CACNA2D3: variants seen among roughly 807,000 people sequenced by gnomAD.
The protein encoded by CACNA2D3 is voltage-dependent calcium channel subunit alpha-2/delta-3.
Under a neutral mutation model 160.6 loss-of-function variants are expected in CACNA2D3, and 60 were observed. That is an observed-to-expected ratio of 0.37 (90% CI 0.30 to 0.46). The LOEUF is 0.46. Ranked by LOEUF, CACNA2D3 falls within the 20% of genes least tolerant of loss-of-function variation. The pLI is 1.00. For synonymous variants in CACNA2D3, 558 were observed against 492.9 expected, an observed-to-expected ratio of 1.13 and a Z score of -1.75; for missense variants, 1,205 against 1,365.0, an observed-to-expected ratio of 0.88 and a Z score of 1.85.
intron 2 of CACNA2D3, among the ~76,000 whole-genome samples, chr3:54,135,600 G>A (rs1015848244): frequency 6.6e-6 from 1 of 152,216 alleles, no homozygotes; most frequent in Non-Finnish European, 1.5e-5. Context: ...ATATTGTGTT[G>A]TGAGGCTTTT....
chr3:55,006,759 G>T (rs1703103374), intron 32 of CACNA2D3, among the ~76,000 whole-genome samples: 1 of 152,196 alleles, frequency 6.6e-6, no homozygotes, highest in African/African-American at 2.4e-5. Context: ...AAAGTTTTGA[G>T]AATGATTGGG....
intron 4 of CACNA2D3, among the ~76,000 whole-genome samples, chr3:54,488,759 C>T (rs912158513): frequency 6.6e-6 from 1 of 152,164 alleles, no homozygotes; most frequent in Non-Finnish European, 1.5e-5. Flanking sequence ...AACAGCTATG[C>T]TTCCTCCAAA....
chr3:54,999,971 T>A (rs934055520), intron 31 of CACNA2D3, among the ~76,000 whole-genome samples: 6 of 152,288 alleles, frequency 3.9e-5, no homozygotes, highest in African/African-American at 1.4e-4. Flanking sequence ...TGTCAAAGTT[T>A]AAAGTTTCAA....
intron 11 of CACNA2D3, among the ~76,000 whole-genome samples, chr3:54,752,231 T>G (rs1701871035): frequency 6.6e-6 from 1 of 152,188 alleles, no homozygotes; most frequent in African/African-American, 2.4e-5. Flanking sequence ...GAGCACACTC[T>G]GCATTTCCTG....
In CACNA2D3 at chr3:54,832,824, A is replaced by T. The variant is rs577069289; in HGVS notation, c.1399-4335A>T. ...GTTGTCTTCCCAGCACATGGCATGGAACCTGGAACATAGCTGATGCTCGAG... is the reference window on the plus strand; with the variant it reads ...GTTGTCTTCCCAGCACATGGCATGGTACCTGGAACATAGCTGATGCTCGAG... On this transcript the variant is annotated intron_variant, in intron 14 of 37. Transcript: ENST00000474759. Among the ~76,000 whole-genome samples, 10 of 152,304 alleles carry T rather than the reference A, an allele frequency of 6.6e-5. No individual in the cohort carries two copies. In the South Asian group the frequency reaches 1.9e-3, roughly 28 times the overall value.
rs545507422 is a variant in CACNA2D3, at chr3:54,529,834, T to G, written c.544+26180T>G. 1.1e-4 allele frequency among the ~76,000 whole-genome samples: 17 copies of G among 152,338 alleles called. No homozygotes were observed. In the South Asian group the frequency reaches 3.5e-3, roughly 32 times the overall value. The stretch of plus-strand genomic sequence containing the variant: ...GATATAATTTTTTTATTGCTTTACT[T>G]TGGATATTTTAGATTTCACAAGCGG... On this transcript the variant is annotated intron_variant, in intron 5 of 37. Coordinates refer to ENST00000474759, the MANE Select transcript of CACNA2D3 (RefSeq NM_018398.3).
chr3:54,137,062 T>G (rs1455229399), intron 2 of CACNA2D3, among the ~76,000 whole-genome samples: 1 of 152,202 alleles, frequency 6.6e-6, no homozygotes. Context: ...CCTCTGTGAT[T>G]TTTTTACAAA....
At chr3:54,135,156 CT>C (rs1270987005) in intron 2 of CACNA2D3, among the ~76,000 whole-genome samples, 3 of 152,174 alleles carry the variant, frequency 2.0e-5, no homozygotes, top group Non-Finnish European at 4.4e-5. Flanking sequence ...TTGCTATGAT[CT>C]CACCTTCTCG....
chr3:54,144,482 A>C (rs1180182731), intron 2 of CACNA2D3, among the ~76,000 whole-genome samples: 1 of 152,204 alleles, frequency 6.6e-6, no homozygotes, highest in Non-Finnish European at 1.5e-5. Context: ...GCATGTGCAT[A>C]TGTGAAATTC....
intron 27 of CACNA2D3, among the ~76,000 whole-genome samples, chr3:54,917,952 A>G (rs1450930049): frequency 6.6e-6 from 1 of 152,238 alleles, no homozygotes; most frequent in Non-Finnish European, 1.5e-5. Context: ...TAACATATAC[A>G]ACATCTAAAA....
rs1575387937 is a variant in CACNA2D3, at chr3:54,933,338, T to C, written c.2449+33470T>C. ...CAGAATAGCTCATTTATTTCTCTTA[T>C]CACAGTCTAGTTCAGGTTGACAGGG... On this transcript the variant is annotated intron_variant, in intron 27 of 37. Coordinates refer to ENST00000474759, the MANE Select transcript of CACNA2D3 (RefSeq NM_018398.3). 3.3e-5 allele frequency among the ~76,000 whole-genome samples: 5 copies of C among 152,234 alleles called. No individual in the cohort carries two copies. In the South Asian group the frequency reaches 1.0e-3, roughly 31 times the overall value.
chr3:54,615,842 A>G (rs1458182817), intron 9 of CACNA2D3, among the ~76,000 whole-genome samples: 1 of 152,202 alleles, frequency 6.6e-6, no homozygotes, highest in Non-Finnish European at 1.5e-5. Context: ...CGGGTGAGTG[A>G]GCAAGCATTA....
chr3:54,735,416 C>T (rs1701476725), intron 11 of CACNA2D3, among the ~76,000 whole-genome samples: 1 of 152,152 alleles, frequency 6.6e-6, no homozygotes, highest in Non-Finnish European at 1.5e-5. Flanking sequence ...GCGTGAAATG[C>T]AATGAAGGTT....
At chr3:54,136,692 A>T (rs1699821447) in intron 2 of CACNA2D3, among the ~76,000 whole-genome samples, 1 of 152,076 alleles carries the variant, frequency 6.6e-6, no homozygotes, top group Non-Finnish European at 1.5e-5. Flanking sequence ...TATACTGCCG[A>T]CCCTGCTGTC....
intron 2 of CACNA2D3, among the ~76,000 whole-genome samples, chr3:54,311,915 T>A (rs1362979004): frequency 6.6e-6 from 1 of 152,168 alleles, no homozygotes; most frequent in African/African-American, 2.4e-5. Context: ...TCTCTTGCAC[T>A]GTGGCTGTTT....
intron 27 of CACNA2D3, among the ~76,000 whole-genome samples, chr3:54,906,643 CAG>C (rs761611612): frequency 6.6e-6 from 1 of 152,170 alleles, no homozygotes; most frequent in Non-Finnish European, 1.5e-5. Flanking sequence ...GTTCTACAAC[CAG>C]AGCTGATGAG....
intron 4 of CACNA2D3, among the ~76,000 whole-genome samples, chr3:54,424,051 G>A (rs1699877738): frequency 6.6e-6 from 1 of 152,198 alleles, no homozygotes; most frequent in South Asian, 2.1e-4. Flanking sequence ...ACCATGACAT[G>A]CTAATGTTTT....
At chr3:54,534,450 C>G (rs1701855806) in intron 5 of CACNA2D3, among the ~76,000 whole-genome samples, 1 of 152,116 alleles carries the variant, frequency 6.6e-6, no homozygotes, top group Admixed American at 6.5e-5. Flanking sequence ...CGGAGCTGTT[C>G]TTCACCATGT....
chr3:54,725,528 A>C (rs1701259889), intron 11 of CACNA2D3, among the ~76,000 whole-genome samples: 3 of 152,324 alleles, frequency 2.0e-5, no homozygotes, highest in South Asian at 4.1e-4. Context: ...AAAACTGGCA[A>C]ACCAAATCTA....
Sources: gnomAD v4.1 joint callset for allele counts (sites outside exome capture counted in the v4.1 genomes callset) on GRCh38, gnomAD v4.1.1 for gene constraint, MANE v1.5 for transcripts, NCBI Gene and HGNC (gene_info 2026-07-23, HGNC 2026-07-21) for gene names.